The following AOPEP variants were observed in gnomAD, a reference collection of about 807,000 sequenced individuals.
The protein encoded by AOPEP is aminopeptidase O (putative).
A neutral mutation model predicts 98.1 loss-of-function variants in AOPEP; 77 were observed. That is an observed-to-expected ratio of 0.78 (90% CI 0.65 to 0.95). The LOEUF is 0.95. Ranked by LOEUF, AOPEP falls within the 40% of genes least tolerant of loss-of-function variation. The probability of loss-of-function intolerance (pLI) is 0.00; values close to 1 mark genes in which losing one functional copy is unlikely to be tolerated. For synonymous variants in AOPEP, 346 were observed against 365.3 expected (o/e 0.95, Z 0.60); for missense variants, 1,024 against 1,024.7 (o/e 1.00, Z 0.01).
At chr9:95,085,857 A>AGCGGG (rs970445089) in intron 16 of AOPEP, 17 of 1,161,704 alleles carry the variant, frequency 1.5e-5, no homozygotes, top group African/African-American at 8.1e-5. Flanking sequence ...CATGGCTGTG[A>AGCGGG]GCGGGGCGGG....
chr9:95,086,764 G>A lies in AOPEP; in HGVS notation c.*87G>A, dbSNP rs1026514427. On this transcript the variant is annotated 3_prime_UTR_variant, in exon 17 of 17. Transcript: ENST00000375315. ...GAACTGACCCTGGACATCAAAGGAG[G>A]GATTATGTGGCTGCTAAAGCCATCG... The A allele has an allele frequency of 1.0e-6, 1 of 987,888 alleles. No individual in the cohort carries two copies. The highest frequency in any genetic ancestry group is 1.2e-6 in the Non-Finnish European group (1 of 830,158). The allele number at this position is 987,888 out of a possible 1,614,324, so 61.2% of individuals were successfully genotyped here.
chr9:94,933,569 C>G, intron 7 of AOPEP: 2 of 985,302 alleles, frequency 2.0e-6, no homozygotes, highest in Non-Finnish European at 2.4e-6. Flanking sequence ...TAACCTTCCT[C>G]CTGAATGCCT....
chr9:95,077,347 C>T (rs1451057142), intron 14 of AOPEP, among the ~76,000 whole-genome samples: 1 of 152,202 alleles, frequency 6.6e-6, no homozygotes, highest in Non-Finnish European at 1.5e-5. Context: ...CAAACTCCTT[C>T]CTAATCGTGC....
intron 1 of AOPEP, among the ~76,000 whole-genome samples, chr9:94,745,805 T>C (rs1834345825): frequency 6.6e-6 from 1 of 152,238 alleles, no homozygotes; most frequent in African/African-American, 2.4e-5. Context: ...ATCTTGGCTA[T>C]TGTGAATAGT....
At chr9:95,047,590 A>G (rs531374114) in intron 13 of AOPEP, among the ~76,000 whole-genome samples, 64 of 152,280 alleles carry the variant, frequency 4.2e-4, no homozygotes, top group Non-Finnish European at 8.1e-4. Context: ...GTGGGTCCCT[A>G]TCCTGTGGTT....
intron 5 of AOPEP, among the ~76,000 whole-genome samples, chr9:94,880,573 T>G: frequency 6.6e-6 from 1 of 152,052 alleles, no homozygotes; most frequent in Non-Finnish European, 1.5e-5. Flanking sequence ...CCAGGCTGGT[T>G]TTGAACTTCT....
intron 7 of AOPEP, 33 bp downstream of exon 7, chr9:94,928,564 T>G: frequency 7.0e-7 from 1 of 1,427,078 alleles, no homozygotes; most frequent in African/African-American, 1.4e-5. Context: ...AGCCCTCTCA[T>G]TCCCCTCCTT....
intron 11 of AOPEP, among the ~76,000 whole-genome samples, chr9:94,996,029 G>T (rs968090073): frequency 2.6e-5 from 4 of 152,326 alleles, no homozygotes; most frequent in South Asian, 4.1e-4. Context: ...ACATGCAGGG[G>T]GTGGAAGCAG....
rs191093256 is a variant in AOPEP, at chr9:95,082,797, G to T, written c.*4+78G>T. ...TAGGAGCCAACTAAATCAGTAAGCC[G>T]AATAGTTAGCCAAGACTACCCGCAG... On this transcript the variant is annotated intron_variant, in intron 16 of 16. Transcript: ENST00000375315. The T allele has an allele frequency of 1.8e-5, 28 of 1,525,054 alleles. No individual in the cohort carries two copies. In the South Asian group the frequency reaches 2.5e-4, roughly 14 times the overall value. The allele number at this position is 1,525,054 out of a possible 1,614,324, so 94.5% of individuals were successfully genotyped here.
the AOPEP span, among the ~76,000 whole-genome samples, chr9:95,116,410 C>G: frequency 1.4e-4 from 21 of 152,148 alleles, no homozygotes; most frequent in African/African-American, 4.6e-4. Context: ...CCTACATCTT[C>G]TCGAAAAAGG....
the AOPEP span, among the ~76,000 whole-genome samples, chr9:95,123,119 G>A: frequency 1.3e-5 from 2 of 151,952 alleles, no homozygotes; most frequent in Non-Finnish European, 2.9e-5. Context: ...CTGAGCAACA[G>A]AGAGACTCTA....
intron 1 of AOPEP, among the ~76,000 whole-genome samples, chr9:94,740,733 A>AG (rs996555096): frequency 5.3e-5 from 8 of 152,248 alleles, no homozygotes; most frequent in African/African-American, 1.9e-4. Context: ...GAAGCAGTAG[A>AG]GGGCAGTGGT....
intron 3 of AOPEP, among the ~76,000 whole-genome samples, chr9:94,785,912 C>T (rs1844328511): frequency 6.6e-6 from 1 of 152,140 alleles, no homozygotes; most frequent in Non-Finnish European, 1.5e-5. Flanking sequence ...CAGGATGCCC[C>T]CTTTAGGCTG....
intron 5 of AOPEP, among the ~76,000 whole-genome samples, chr9:94,829,116 G>A (rs867687769): frequency 1.3e-5 from 2 of 151,780 alleles, no homozygotes; most frequent in Non-Finnish European, 2.9e-5. Flanking sequence ...TGATCTGCCC[G>A]CCTTGGCCTC....
chr9:94,791,178 T>C (rs762852312), intron 3 of AOPEP, among the ~76,000 whole-genome samples: 2 of 152,134 alleles, frequency 1.3e-5, no homozygotes, highest in Non-Finnish European at 2.9e-5. Context: ...AATGAGATAA[T>C]GTCCTTTGCA....
intron 14 of AOPEP, among the ~76,000 whole-genome samples, chr9:95,069,644 C>G (rs1249360458): frequency 6.6e-6 from 1 of 152,238 alleles, no homozygotes; most frequent in Non-Finnish European, 1.5e-5. Flanking sequence ...TAAGATTTGT[C>G]TAAGACCACA....
rs528257369 is a variant in AOPEP at position 94,853,392 on chromosome 9, G to A, written c.1364+52390G>A. On this transcript the variant is annotated intron_variant, in intron 5 of 16. Transcript: ENST00000375315. ...GAAGAATTACTTGAACCTGGGAAGT[G>A]GAGGTTGCAGTGAGTTGAGATTGCG... Among the ~76,000 whole-genome samples the A allele has an allele frequency of 5.3e-5, 8 of 152,170 alleles. No individual in the cohort carries two copies. In the East Asian group the frequency reaches 1.4e-3, roughly 26 times the overall value.
intron 5 of AOPEP, among the ~76,000 whole-genome samples, chr9:94,897,840 C>CT (rs1187082923): frequency 1.5e-4 from 7 of 47,390 alleles, no homozygotes; most frequent in African/African-American, 5.6e-4. Flanking sequence ...CAAAAGTATG[C>CT]CTTTTTTTTT....
At chr9:94,970,018 G>A (rs2059440189) in intron 10 of AOPEP, among the ~76,000 whole-genome samples, 1 of 152,200 alleles carries the variant, frequency 6.6e-6, no homozygotes, top group South Asian at 2.1e-4. Context: ...ATGACATGCA[G>A]ATTCAGGAGA....
Sources: allele counts gnomAD v4.1 joint callset (sites outside exome capture counted in the v4.1 genomes callset), GRCh38; gene constraint gnomAD v4.1.1; transcripts MANE v1.5; gene names NCBI Gene and HGNC (gene_info 2026-07-23, HGNC 2026-07-21).